Variants in SH3RF1 observed in about 807,000 individuals in gnomAD.
SH3RF1 encodes the protein SH3 domain containing ring finger 1.
A neutral mutation model predicts 74.0 loss-of-function variants in SH3RF1; 32 were observed. The ratio of observed to expected loss-of-function variants is 0.43; its 90% confidence interval spans 0.33 to 0.58. SH3RF1 has a LOEUF of 0.58. Among genes scored for constraint, SH3RF1 ranks in the 20% least tolerant of loss-of-function variants. The pLI is 0.05. For missense variants in SH3RF1, 954 were observed against 1,130.9 expected, an observed-to-expected ratio of 0.84 and a Z score of 2.24; for synonymous variants, 396 against 439.6, an observed-to-expected ratio of 0.90 and a Z score of 1.24.
At chr4:169,249,352 A>G (rs1262510150) in intron 2 of SH3RF1, among the ~76,000 whole-genome samples, 2 of 152,270 alleles carry the variant, frequency 1.3e-5, no homozygotes, top group Non-Finnish European at 2.9e-5. Context: ...ATAGAGGGCC[A>G]TGTGAGGACA....
At chr4:169,192,826 A>C (rs986193473) in intron 2 of SH3RF1, among the ~76,000 whole-genome samples, 1 of 148,296 alleles carries the variant, frequency 6.7e-6, no homozygotes, top group Non-Finnish European at 1.5e-5. Context: ...TGTGATATAT[A>C]TATCATATAG....
intron 2 of SH3RF1, among the ~76,000 whole-genome samples, chr4:169,187,934 A>G (rs551512321): frequency 2.6e-5 from 4 of 152,300 alleles, no homozygotes; most frequent in East Asian, 1.9e-4. Context: ...CCTAAATCCA[A>G]TGCCTGATGA....
intron 2 of SH3RF1, among the ~76,000 whole-genome samples, chr4:169,226,559 T>G (rs1296981590): frequency 6.6e-6 from 1 of 151,218 alleles, no homozygotes; most frequent in Non-Finnish European, 1.5e-5. Flanking sequence ...TCAAAGCCCA[T>G]GCTAATCTCA....
At chr4:169,148,324 T>C (rs752988823) in intron 4 of SH3RF1, among the ~76,000 whole-genome samples, 2 of 152,176 alleles carry the variant, frequency 1.3e-5, no homozygotes, top group African/African-American at 4.8e-5. Context: ...AAGACATTTG[T>C]CTACAAAATG....
intron 10 of SH3RF1, among the ~76,000 whole-genome samples, chr4:169,111,088 A>G (rs1733236611): frequency 6.6e-6 from 1 of 151,738 alleles, no homozygotes; most frequent in Admixed American, 6.5e-5. Flanking sequence ...CAGGGGGATC[A>G]CTTGAGGCCA....
intron 2 of SH3RF1, among the ~76,000 whole-genome samples, chr4:169,173,724 A>G (rs1734368650): frequency 1.3e-5 from 2 of 152,152 alleles, no homozygotes; most frequent in Admixed American, 6.5e-5. Context: ...AAATATGTGG[A>G]AACCACTATC....
intron 2 of SH3RF1, among the ~76,000 whole-genome samples, chr4:169,252,080 G>A (rs1731114989): frequency 6.6e-6 from 1 of 152,190 alleles, no homozygotes; most frequent in South Asian, 2.1e-4. Flanking sequence ...CACGTGAGAT[G>A]TGCTAGGTAA....
rs1733994590 is a variant in SH3RF1 at position 169,152,714 on chromosome 4, G to A, written c.765+2766C>T. Among the ~76,000 whole-genome samples, 6 of 152,308 alleles carry A rather than the reference G, an allele frequency of 3.9e-5. No individual in the cohort carries two copies. In the Middle Eastern group the frequency reaches 0.01, roughly 259 times the overall value. On this transcript the variant is annotated intron_variant, in intron 4 of 11. Transcript: ENST00000284637. ...ATTGTGCCATTGCACTCCAGCCTGC[G>A]CAACAAGAGCGAAACTCTATCTCAA...
intron 2 of SH3RF1, among the ~76,000 whole-genome samples, chr4:169,213,639 T>A (rs1214037987): frequency 6.6e-6 from 1 of 152,216 alleles, no homozygotes; most frequent in African/African-American, 2.4e-5. Context: ...TGGAGTTTCA[T>A]AGTTTTGTGT....
chr4:169,154,687 T>C (rs1275696097), intron 4 of SH3RF1, among the ~76,000 whole-genome samples: 3 of 152,216 alleles, frequency 2.0e-5, no homozygotes, highest in Non-Finnish European at 4.4e-5. Flanking sequence ...CCTCACTTCT[T>C]ACCAGAAGCC....
intron 2 of SH3RF1, among the ~76,000 whole-genome samples, chr4:169,229,300 T>C (rs1015524208): frequency 2.6e-5 from 4 of 152,210 alleles, no homozygotes; most frequent in African/African-American, 4.8e-5. Flanking sequence ...AATTCTCCAA[T>C]ACTTTTGTAG....
chr4:169,201,552 G>A (rs754466255), intron 2 of SH3RF1, among the ~76,000 whole-genome samples: 46 of 152,300 alleles, frequency 3.0e-4, no homozygotes, highest in Non-Finnish European at 5.4e-4. Context: ...ACTTCATGTT[G>A]CTAAGTGTGT....
intron 2 of SH3RF1, among the ~76,000 whole-genome samples, chr4:169,186,316 G>A (rs1243129423): frequency 2.6e-5 from 4 of 151,570 alleles, no homozygotes; most frequent in South Asian, 2.1e-4. Flanking sequence ...TATGTAACCC[G>A]CACATACTGC....
rs1731399596 is a variant in SH3RF1, at chr4:169,268,942, T to C, written c.271A>G (p.Thr91Ala). 1 of 1,614,108 alleles carries C rather than the reference T, an allele frequency of 6.2e-7. No homozygotes were observed. The highest frequency in any genetic ancestry group is 1.1e-5 in the South Asian group (1 of 91,078). The change falls in exon 2 of 12, where the codon ACC (threonine) becomes GCC (alanine). Residue 91 changes from threonine to alanine, a missense_variant. By Grantham distance (58) the Thr-to-Ala change is moderately conservative (BLOSUM62 0). Around this residue, in one of 3 missense-constraint regions of SH3RF1, gnomAD observed 854 missense variants for 962.5 expected, o/e 0.89. Transcript: ENST00000284637. ...WKPGPGGGSG[T>A]NCTNALRSQS... Reference sequence around the variant, plus strand: ...GACCTTAATGCATTTGTGCAGTTGGTCCCACTTCCCCCACCAGGACCAGGT... The same window carrying C: ...GACCTTAATGCATTTGTGCAGTTGGCCCCACTTCCCCCACCAGGACCAGGT...
chr4:169,224,255 G>A (rs1192593547), intron 2 of SH3RF1, among the ~76,000 whole-genome samples: 1 of 152,090 alleles, frequency 6.6e-6, no homozygotes, highest in Non-Finnish European at 1.5e-5. Context: ...GAAGAAGCCA[G>A]TAGAGAGCTA....
chr4:169,099,583 C>G (rs1354288349), intron 11 of SH3RF1, among the ~76,000 whole-genome samples: 1 of 152,046 alleles, frequency 6.6e-6, no homozygotes, highest in Non-Finnish European at 1.5e-5. Flanking sequence ...ACAAGTGACT[C>G]AAAACATATT....
chr4:169,096,722 A>G (rs773062440), intron 11 of SH3RF1, 35 bp from the exon 12 acceptor site: 3 of 1,580,016 alleles, frequency 1.9e-6, no homozygotes, highest in African/African-American at 2.7e-5. Context: ...AAGGCGATTC[A>G]AAGCAGTGAT....
At chr4:169,196,866 T>C (rs1178032539) in intron 2 of SH3RF1, among the ~76,000 whole-genome samples, 1 of 152,192 alleles carries the variant, frequency 6.6e-6, no homozygotes, top group Non-Finnish European at 1.5e-5. Flanking sequence ...AGGTCTATTA[T>C]TGCTTTAGTT....
intron 2 of SH3RF1, among the ~76,000 whole-genome samples, chr4:169,231,951 C>G (rs149064631): frequency 0.015 from 2,329 of 152,260 alleles, 60 homozygotes; most frequent in African/African-American, 0.052. Flanking sequence ...ATTTTTTCCT[C>G]TAATGGAGAC....
Sources: allele counts gnomAD v4.1 joint callset (sites outside exome capture counted in the v4.1 genomes callset), GRCh38; gene constraint gnomAD v4.1.1; regional missense constraint gnomAD v4.1.1; transcripts MANE v1.5; gene names NCBI Gene and HGNC (gene_info 2026-07-23, HGNC 2026-07-21).